Variants in NEB observed in about 807,000 individuals in gnomAD.
NEB encodes the protein nebulin.
Under a neutral mutation model 952.2 loss-of-function variants are expected in NEB, and 512 were observed. The observed-to-expected ratio is 0.54, with a 90% CI of 0.50 to 0.58. The LOEUF is 0.58. Ranked by LOEUF, NEB falls within the 20% of genes least tolerant of loss-of-function variation. The pLI is 0.00. For synonymous variants in NEB, 2,900 were observed against 3,149.8 expected, an observed-to-expected ratio of 0.92 and a Z score of 2.66; for missense variants, 8,428 against 9,231.1, an observed-to-expected ratio of 0.91 and a Z score of 3.56.
At chr2:151,522,291 T>C (rs977133660) in intron 153 of NEB, among the ~76,000 whole-genome samples, 2 of 152,202 alleles carry the variant, frequency 1.3e-5, no homozygotes, top group Non-Finnish European at 2.9e-5. Flanking sequence ...ATTAAAAGTT[T>C]ATACTGTTGA....
At chr2:151,566,532 C>A (rs558829102) in intron 114 of NEB, among the ~76,000 whole-genome samples, 1 of 152,274 alleles carries the variant, frequency 6.6e-6, no homozygotes, top group South Asian at 2.1e-4. Context: ...GGCACCTAAG[C>A]AACTAAGTTG....
intron 20 of NEB, among the ~76,000 whole-genome samples, chr2:151,692,806 C>T (rs1219208827): frequency 6.6e-6 from 1 of 152,066 alleles, no homozygotes; most frequent in Non-Finnish European, 1.5e-5. Context: ...CCCGTCTCTA[C>T]TAAAAATACA....
At chr2:151,657,641 A>G (rs1423462101) in intron 48 of NEB, among the ~76,000 whole-genome samples, 1 of 152,202 alleles carries the variant, frequency 6.6e-6, no homozygotes, top group Non-Finnish European at 1.5e-5. Flanking sequence ...AGAAAATCAG[A>G]TCCGAAGAAG....
chr2:151,691,403 T>C (rs540542557), intron 23 of NEB, among the ~76,000 whole-genome samples: 4 of 152,194 alleles, frequency 2.6e-5, no homozygotes, highest in Non-Finnish European at 5.9e-5. Flanking sequence ...ATCATCATCC[T>C]GTATTAGTTT....
chr2:151,679,071 A>C (rs2148552542), intron 32 of NEB, among the ~76,000 whole-genome samples: 1 of 152,300 alleles, frequency 6.6e-6, no homozygotes, highest in Non-Finnish European at 1.5e-5. Flanking sequence ...CAAGCCAGCC[A>C]GGAGCCAGAG....
chr2:151,608,933 A>G, intron 81 of NEB, among the ~76,000 whole-genome samples: 1 of 114,390 alleles, frequency 8.7e-6, no homozygotes, highest in Admixed American at 9.7e-5. Flanking sequence ...AAAAAAAAAA[A>G]GTTAAATGTC....
intron 38 of NEB, among the ~76,000 whole-genome samples, chr2:151,669,407 A>G (rs1309418889): frequency 6.6e-6 from 1 of 152,214 alleles, no homozygotes; most frequent in Non-Finnish European, 1.5e-5. Context: ...ACTGTCCAAT[A>G]GAAAGGACAG....
intron 20 of NEB, 26 bp from the exon 21 acceptor site, chr2:151,692,388 C>G (rs1486938733): frequency 1.3e-6 from 2 of 1,514,920 alleles, no homozygotes; most frequent in Admixed American, 3.5e-5. Flanking sequence ...TAAATTAAAC[C>G]AAAAAGAAAG....
chr2:151,579,126 T>C (rs1404603845), intron 105 of NEB, among the ~76,000 whole-genome samples: 2 of 142,482 alleles, frequency 1.4e-5, no homozygotes, highest in Admixed American at 1.4e-4. Flanking sequence ...CTGGAAACAC[T>C]GTACACATTA....
In NEB at chr2:151,565,712, G is replaced by A. The variant is rs757739475; in HGVS notation, c.18261+4C>T. 8.7e-6 allele frequency: 14 copies of A among 1,609,438 alleles called. No homozygotes were observed. The highest frequency in any genetic ancestry group is 2.2e-5 in the East Asian group (1 of 44,714). On this transcript the variant is annotated splice_donor_region_variant and intron_variant, in intron 115 of 181. Transcript: ENST00000397345. ...AGGTTAGAAGGAGAATAGGCTTTGC[G>A]TACCTGACTCATCATTTCCTGGTTC...
At chr2:151,498,576 T>G (rs1294181898) in intron 169 of NEB, among the ~76,000 whole-genome samples, 1 of 152,148 alleles carries the variant, frequency 6.6e-6, no homozygotes, top group Non-Finnish European at 1.5e-5. Flanking sequence ...AAAGAAAGGT[T>G]GTTATTTTCA....
chr2:151,721,972 T>C (rs2099775405), intron 9 of NEB, among the ~76,000 whole-genome samples: 1 of 152,184 alleles, frequency 6.6e-6, no homozygotes, highest in South Asian at 2.1e-4. Context: ...TAGAAAAAGA[T>C]GTCCACTAAA....
intron 157 of NEB, 29 bp downstream of exon 157, chr2:151,516,427 CATT>C: frequency 7.0e-7 from 1 of 1,433,374 alleles, no homozygotes; most frequent in Non-Finnish European, 9.8e-7. Context: ...TGTGATGGAT[CATT>C]GTTGTGTGGT....
chr2:151,697,103 T>A (rs369409568), intron 16 of NEB, 45 bp downstream of exon 16: 4 of 1,408,990 alleles, frequency 2.8e-6, no homozygotes, highest in Non-Finnish European at 4.0e-6. Flanking sequence ...GACCACTAGA[T>A]GCTATGGAAG....
intron 181 of NEB, among the ~76,000 whole-genome samples, chr2:151,487,181 C>T (rs1559078829): frequency 6.6e-6 from 1 of 152,130 alleles, no homozygotes; most frequent in African/African-American, 2.4e-5. Flanking sequence ...AAACCCGTAG[C>T]ACTATTGCAT....
intron 13 of NEB, among the ~76,000 whole-genome samples, chr2:151,703,062 C>G (rs2099683023): frequency 6.6e-6 from 1 of 151,178 alleles, no homozygotes; most frequent in Admixed American, 6.6e-5. Flanking sequence ...CTGGTGGTGA[C>G]AAAATCTCTC....
intron 55 of NEB, among the ~76,000 whole-genome samples, chr2:151,645,101 T>G (rs1204458759): frequency 1.3e-5 from 2 of 152,258 alleles, no homozygotes; most frequent in Non-Finnish European, 2.9e-5. Context: ...CCTGTATGTG[T>G]GCCTTTGTTG....
chr2:151,492,461 G>T lies in NEB; in HGVS notation c.24799C>A (p.Gln8267Lys). 1.2e-6 allele frequency: 2 copies of T among 1,613,402 alleles called. No individual in the cohort carries two copies. Among genetic ancestry groups the T allele is most frequent in the South Asian group, 1.1e-5 (1 of 90,996 alleles). ...LYSDSFRKQI[Q>K]GKAAYVLDTP... is the part of the protein sequence containing the mutation. ...TCCAATACATAGGCAGCTTTGCCTT[G>T]TATTTGTTTCCGGAAACTATCAGAA... The change falls in exon 177 of 182, where the codon CAA (glutamine) becomes AAA (lysine). Residue 8267 changes from glutamine to lysine, a missense_variant. Gln to Lys is a moderately conservative substitution (Grantham distance 53, BLOSUM62 1). Around this residue, in one of 11 missense-constraint regions of NEB, gnomAD observed 3,374 missense variants for 3,651.5 expected, o/e 0.92. Coordinates refer to ENST00000397345, the MANE Select transcript of NEB (RefSeq NM_001164508.2).
Position 151,707,663 on chromosome 2 carries a change from G to A in NEB, c.1036-666C>T, listed in dbSNP as rs1452410728. On this transcript the variant is annotated intron_variant, in intron 12 of 181. Transcript: ENST00000397345. Reference sequence around the variant, plus strand: ...GGCAGGGTTCACAAGCCCCCATCAGGAGCCTGTCCACAGGGATTAGAACAA... The same window carrying A: ...GGCAGGGTTCACAAGCCCCCATCAGAAGCCTGTCCACAGGGATTAGAACAA... Among the ~76,000 whole-genome samples, 4 of 152,132 alleles carry A rather than the reference G, an allele frequency of 2.6e-5. No homozygotes were observed. The East Asian group carries it at 7.7e-4, about 29-fold the overall frequency.
Sources: allele counts gnomAD v4.1 joint callset (sites outside exome capture counted in the v4.1 genomes callset), GRCh38; gene constraint gnomAD v4.1.1; regional missense constraint gnomAD v4.1.1; transcripts MANE v1.5; gene names NCBI Gene and HGNC (gene_info 2026-07-23, HGNC 2026-07-21).